AKAP6: variants seen among roughly 807,000 people sequenced by gnomAD.
AKAP6 encodes A-kinase anchor protein 6.
In AKAP6, 58 loss-of-function variants were observed where a neutral mutation model predicts 188.5. The ratio of observed to expected loss-of-function variants is 0.31; its 90% CI spans 0.25 to 0.38. AKAP6 has a LOEUF of 0.38. Among genes scored for constraint, AKAP6 ranks in the 10% least tolerant of loss-of-function variants. AKAP6 has a pLI of 1.00. For missense variants in AKAP6, 2,710 were observed against 2,740.0 expected (o/e 0.99, Z 0.24); for synonymous variants, 989 against 998.6 (o/e 0.99, Z 0.18).
At chr14:32,363,888 G>C (rs376697401) in intron 1 of AKAP6, among the ~76,000 whole-genome samples, 28 of 152,224 alleles carry the variant, frequency 1.8e-4, no homozygotes, top group African/African-American at 6.8e-4. Flanking sequence ...ATAGGTGGTT[G>C]CTAGGGAAAG....
intron 4 of AKAP6, among the ~76,000 whole-genome samples, chr14:32,564,105 A>T (rs1884086296): frequency 6.6e-6 from 1 of 152,150 alleles, no homozygotes; most frequent in Non-Finnish European, 1.5e-5. Flanking sequence ...TCACTAGGTT[A>T]CTTGTAATAT....
chr14:32,616,481 C>G (rs751712846), intron 7 of AKAP6, among the ~76,000 whole-genome samples: 2 of 152,144 alleles, frequency 1.3e-5, no homozygotes, highest in Admixed American at 6.5e-5. Context: ...AGGCCATTAT[C>G]CTTAGCAAAC....
At chr14:32,758,057 T>C (rs540512167) in intron 11 of AKAP6, among the ~76,000 whole-genome samples, 1 of 152,244 alleles carries the variant, frequency 6.6e-6, no homozygotes. Context: ...TATAAACTTT[T>C]AGAAAGTATC....
chr14:32,617,543 G>A (rs2139405778), intron 7 of AKAP6, among the ~76,000 whole-genome samples: 1 of 152,272 alleles, frequency 6.6e-6, no homozygotes, highest in South Asian at 2.1e-4. Flanking sequence ...ATCCCTCAAA[G>A]ACTATTCTTG....
intron 8 of AKAP6, among the ~76,000 whole-genome samples, chr14:32,684,824 T>A (rs1008308554): frequency 1.3e-5 from 2 of 152,026 alleles, no homozygotes; most frequent in Non-Finnish European, 2.9e-5. Flanking sequence ...TGAAAAATCA[T>A]TAACGAAATA....
At chr14:32,800,463 G>A (rs1200766603) in intron 12 of AKAP6, among the ~76,000 whole-genome samples, 1 of 151,948 alleles carries the variant, frequency 6.6e-6, no homozygotes, top group East Asian at 1.9e-4. Context: ...TCTCCTTGCA[G>A]TTCTTTCAAT....
At chr14:32,435,767 T>C (rs954979006) in intron 2 of AKAP6, among the ~76,000 whole-genome samples, 2 of 152,224 alleles carry the variant, frequency 1.3e-5, no homozygotes, top group African/African-American at 2.4e-5. Flanking sequence ...TTTCATTAGG[T>C]TACTTAACCA....
rs2034582876 is a variant in AKAP6 at position 32,823,322 on chromosome 14, A to G, written c.5509A>G (p.Thr1837Ala). The G allele has an allele frequency of 1.2e-6, 2 of 1,613,782 alleles. No individual in the cohort carries two copies. Among genetic ancestry groups the G allele is most frequent in the Non-Finnish European group, 1.7e-6 (2 of 1,179,932 alleles). Reference sequence around the variant, plus strand: ...TAAAGATATAAGTAGCAGTGAGATGACCAATCCCTCTGATACTCTGAATAT... The same window carrying G: ...TAAAGATATAAGTAGCAGTGAGATGGCCAATCCCTCTGATACTCTGAATAT... ...GSKDISSSEM[T>A]NPSDTLNIET... The change falls in exon 13 of 14, where the codon ACC (threonine) becomes GCC (alanine). Residue 1837 changes from threonine to alanine, a missense_variant. By Grantham distance (58) the Thr-to-Ala change is moderately conservative (BLOSUM62 0). This residue lies in a region of AKAP6 where 2,473 missense variants were observed against 2,426.1 expected (regional missense o/e 1.02). Transcript: ENST00000280979.
chr14:32,678,614 A>T (rs1018900660), intron 8 of AKAP6, among the ~76,000 whole-genome samples, 155 bp downstream of exon 8: 4 of 152,202 alleles, frequency 2.6e-5, no homozygotes, highest in African/African-American at 9.7e-5. Context: ...TTTGTGCCAG[A>T]ATTGAAGACT....
At chr14:32,434,970 A>G in intron 2 of AKAP6, among the ~76,000 whole-genome samples, 1 of 152,348 alleles carries the variant, frequency 6.6e-6, no homozygotes, top group African/African-American at 2.4e-5. Flanking sequence ...GTTATTAGGG[A>G]AAAAAGTACA....
At chr14:32,748,508 T>C (rs1358653712) in intron 11 of AKAP6, among the ~76,000 whole-genome samples, 1 of 152,158 alleles carries the variant, frequency 6.6e-6, no homozygotes, top group Non-Finnish European at 1.5e-5. Context: ...AAAAAAGCAT[T>C]AACATTTAAT....
chr14:32,624,650 A>G (rs1247450682), intron 7 of AKAP6, among the ~76,000 whole-genome samples: 7 of 152,122 alleles, frequency 4.6e-5, no homozygotes, highest in Non-Finnish European at 1.0e-4. Context: ...ATAAGAAAAC[A>G]TACTTCTTTC....
chr14:32,401,694 A>G lies in AKAP6; in HGVS notation c.-34-31766A>G, dbSNP rs1219091656. 1.3e-5 allele frequency among the ~76,000 whole-genome samples: 2 copies of G among 152,176 alleles called. 1 individual carries two copies. The highest frequency in any genetic ancestry group is 2.9e-5 in the Non-Finnish European group (2 of 68,032). Reference sequence around the variant, plus strand: ...TGCTGTTTTCTGGCAACCCTAGCTAATTAATAACTTAATCTGTCTCTCCTT... The same window carrying G: ...TGCTGTTTTCTGGCAACCCTAGCTAGTTAATAACTTAATCTGTCTCTCCTT... On this transcript the variant is annotated intron_variant, in intron 1 of 13. Transcript: ENST00000280979.
At chr14:32,644,042 A>G (rs958748611) in intron 7 of AKAP6, among the ~76,000 whole-genome samples, 14 of 152,218 alleles carry the variant, frequency 9.2e-5, no homozygotes, top group African/African-American at 3.4e-4. Flanking sequence ...TAGAGAGCAC[A>G]TAATTTTGAC....
At chr14:32,342,316 A>T (rs1886915461) in intron 1 of AKAP6, among the ~76,000 whole-genome samples, 2 of 152,188 alleles carry the variant, frequency 1.3e-5, no homozygotes, top group Admixed American at 1.3e-4. Flanking sequence ...TGGAATTAAG[A>T]ATTGTCTTCA....
intron 1 of AKAP6, among the ~76,000 whole-genome samples, chr14:32,349,942 C>T (rs576283219): frequency 2.6e-5 from 4 of 152,042 alleles, no homozygotes; most frequent in Non-Finnish European, 5.9e-5. Flanking sequence ...TTCTACTGGC[C>T]ACACCTAATA....
chr14:32,538,138 A>G (rs536571574), intron 3 of AKAP6, among the ~76,000 whole-genome samples: 2 of 152,254 alleles, frequency 1.3e-5, no homozygotes, highest in Non-Finnish European at 2.9e-5. Flanking sequence ...CTGAAATTAG[A>G]TTTCTGATCC....
chr14:32,770,585 A>G (rs1460911776), intron 11 of AKAP6, among the ~76,000 whole-genome samples: 2 of 151,960 alleles, frequency 1.3e-5, no homozygotes, highest in Non-Finnish European at 2.9e-5. Context: ...CACACCAGGC[A>G]CTCCCACTGC....
At chr14:32,498,877 T>C (rs1880461699) in intron 2 of AKAP6, among the ~76,000 whole-genome samples, 1 of 152,134 alleles carries the variant, frequency 6.6e-6, no homozygotes, top group African/African-American at 2.4e-5. Flanking sequence ...TAATTTGTAA[T>C]CTATACTTTG....
Sources: allele counts gnomAD v4.1 joint callset (sites outside exome capture counted in the v4.1 genomes callset), GRCh38; gene constraint gnomAD v4.1.1; regional missense constraint gnomAD v4.1.1; transcripts MANE v1.5; gene names NCBI Gene and HGNC (gene_info 2026-07-23, HGNC 2026-07-21).